GRIP1: variants seen among roughly 807,000 people sequenced by gnomAD.
GRIP1 encodes the protein glutamate receptor-interacting protein 1.
In GRIP1, 45 loss-of-function variants were observed where a neutral mutation model predicts 129.9. The observed-to-expected ratio is 0.35, with a 90% CI of 0.27 to 0.44. The LOEUF is 0.44. Among genes scored for constraint, GRIP1 ranks in the 20% least tolerant of loss-of-function variants. The pLI is 1.00. For missense variants in GRIP1, 1,196 were observed against 1,396.8 expected (o/e 0.86, Z 2.29); for synonymous variants, 530 against 520.8 (o/e 1.02, Z -0.24).
At chr12:66,557,348 A>G (rs1782056830) in intron 2 of GRIP1, among the ~76,000 whole-genome samples, 1 of 152,188 alleles carries the variant, frequency 6.6e-6, no homozygotes, top group South Asian at 2.1e-4. Flanking sequence ...ATTAGAGTTT[A>G]AGAGAGAGAT....
At chr12:66,502,996 G>A (rs1423941178) in intron 7 of GRIP1, among the ~76,000 whole-genome samples, 2 of 152,130 alleles carry the variant, frequency 1.3e-5, no homozygotes, top group Non-Finnish European at 2.9e-5. Context: ...CACCTACGAG[G>A]AATGTCAGGT....
chr12:66,957,936 C>A (rs1663207508), intron 1 of GRIP1, among the ~76,000 whole-genome samples: 1 of 152,050 alleles, frequency 6.6e-6, no homozygotes, highest in South Asian at 2.1e-4. Context: ...AACTTTTCTG[C>A]TTGGGTGATT....
chr12:67,042,886 G>A (rs1186993905), intron 1 of GRIP1, among the ~76,000 whole-genome samples: 1 of 152,204 alleles, frequency 6.6e-6, no homozygotes, highest in Non-Finnish European at 1.5e-5. Flanking sequence ...AGAGGAACAG[G>A]AGCATAATAC....
intron 2 of GRIP1, among the ~76,000 whole-genome samples, chr12:66,553,401 A>T (rs1176247077): frequency 6.6e-6 from 1 of 151,806 alleles, no homozygotes; most frequent in Non-Finnish European, 1.5e-5. Context: ...AATTTCCTAA[A>T]TTCTAGGCAC....
At chr12:66,728,806 A>T (rs535543150) in intron 1 of GRIP1, among the ~76,000 whole-genome samples, 1 of 152,278 alleles carries the variant, frequency 6.6e-6, no homozygotes, top group Non-Finnish European at 1.5e-5. Context: ...ACAGAAAAAT[A>T]GCATTTCATT....
intron 1 of GRIP1, among the ~76,000 whole-genome samples, chr12:67,031,204 G>A (rs2043017254): frequency 6.6e-6 from 1 of 152,112 alleles, no homozygotes; most frequent in Non-Finnish European, 1.5e-5. Context: ...GTTACTAGAA[G>A]CTACCAAAAA....
At chr12:67,018,304 G>A (rs918019910) in intron 1 of GRIP1, among the ~76,000 whole-genome samples, 1 of 152,194 alleles carries the variant, frequency 6.6e-6, no homozygotes, top group African/African-American at 2.4e-5. Context: ...GAAGCTCATG[G>A]AGGAGCGCCT....
At chr12:67,004,319 ATAC>A (rs981401992) in intron 1 of GRIP1, among the ~76,000 whole-genome samples, 29 of 152,328 alleles carry the variant, frequency 1.9e-4, no homozygotes, top group African/African-American at 7.0e-4. Context: ...TTGCAGGCAG[ATAC>A]TACATTTTTA....
intron 1 of GRIP1, among the ~76,000 whole-genome samples, chr12:66,702,425 A>G (rs557235014): frequency 1.3e-5 from 2 of 152,240 alleles, no homozygotes; most frequent in South Asian, 4.1e-4. Flanking sequence ...CAGTTTAAAT[A>G]CCTAGAGTTC....
chr12:66,435,419 G>T (rs2058274344), intron 13 of GRIP1, among the ~76,000 whole-genome samples: 1 of 152,042 alleles, frequency 6.6e-6, no homozygotes, highest in South Asian at 2.1e-4. Flanking sequence ...GCCTAGGCTG[G>T]TCTCAAACTC....
At chr12:66,371,671 G>T in intron 23 of GRIP1, 23 bp downstream of exon 23, 1 of 1,515,624 alleles carries the variant, frequency 6.6e-7, no homozygotes, top group Non-Finnish European at 9.2e-7. Flanking sequence ...TGACCCTAGG[G>T]AAAGAAGAGA....
At chr12:66,795,378 C>A (rs2038666114) in intron 1 of GRIP1, among the ~76,000 whole-genome samples, 1 of 152,102 alleles carries the variant, frequency 6.6e-6, no homozygotes, top group Admixed American at 6.6e-5. Context: ...CTACTGCCAG[C>A]AGAAGCACAA....
At chr12:66,708,606 A>C (rs897707929) in intron 1 of GRIP1, among the ~76,000 whole-genome samples, 5 of 152,014 alleles carry the variant, frequency 3.3e-5, no homozygotes, top group African/African-American at 1.2e-4. Flanking sequence ...ATCTATGATG[A>C]AAATACATGA....
chr12:66,894,649 A>C (rs966089120), intron 1 of GRIP1, among the ~76,000 whole-genome samples: 2 of 152,110 alleles, frequency 1.3e-5, no homozygotes, highest in African/African-American at 4.8e-5. Flanking sequence ...CAGGACTGCC[A>C]AGGCTCCTGA....
intron 1 of GRIP1, among the ~76,000 whole-genome samples, chr12:66,936,357 T>A (rs1043252797): frequency 3.5e-5 from 5 of 142,830 alleles, no homozygotes; most frequent in African/African-American, 1.3e-4. Context: ...GCCCAGGAGG[T>A]AGAGGCTGCA....
intron 1 of GRIP1, among the ~76,000 whole-genome samples, chr12:66,901,669 G>A (rs959499818): frequency 2.0e-5 from 3 of 152,132 alleles, no homozygotes; most frequent in African/African-American, 7.2e-5. Context: ...TTACAATCAG[G>A]AACTATAAGA....
At chr12:67,044,882 C>T (rs1400334285) in intron 1 of GRIP1, among the ~76,000 whole-genome samples, 2 of 152,328 alleles carry the variant, frequency 1.3e-5, no homozygotes, top group Non-Finnish European at 1.5e-5. Context: ...TTATCGAGAA[C>T]TATGCACAGA....
intron 1 of GRIP1, among the ~76,000 whole-genome samples, chr12:67,066,888 T>TTATTTATATATATATATATATATA (rs1555170035): frequency 1.6e-5 from 2 of 125,662 alleles, no homozygotes; most frequent in African/African-American, 5.8e-5. Context: ...AAATATATAT[T>TTATTTATATATATATATATATATA]TATATATATA....
chr12:66,484,031 T>C (rs2059884986), intron 7 of GRIP1, among the ~76,000 whole-genome samples: 2 of 151,912 alleles, frequency 1.3e-5, no homozygotes, highest in South Asian at 4.2e-4. Context: ...GGCTAATTTT[T>C]TGTATTTTTA....
Sources: gnomAD v4.1 joint callset for allele counts (sites outside exome capture counted in the v4.1 genomes callset) on GRCh38, gnomAD v4.1.1 for gene constraint, MANE v1.5 for transcripts, NCBI Gene and HGNC (gene_info 2026-07-23, HGNC 2026-07-21) for gene names.